ACOT9: variants seen among roughly 807,000 people sequenced by gnomAD.
The protein encoded by ACOT9 is acyl-coenzyme A thioesterase 9, mitochondrial.
A neutral mutation model predicts 39.7 loss-of-function variants in ACOT9; 34 were observed. That is an observed-to-expected ratio of 0.86 (90% CI 0.65 to 1.14). The LOEUF (loss-of-function observed/expected upper bound fraction) is 1.14. Among genes scored for constraint, ACOT9 ranks in the 50% most tolerant of loss-of-function variants. The probability of loss-of-function intolerance (pLI) is 0.00; values close to 1 mark genes in which losing one functional copy is unlikely to be tolerated. For synonymous variants in ACOT9, 110 were observed against 120.5 expected (o/e 0.91, Z 0.57); for missense variants, 313 against 344.1 (o/e 0.91, Z 0.71).
chrX:23,719,913 T>C (rs1266081016), intron 8 of ACOT9, among the ~76,000 whole-genome samples: 4 of 109,525 alleles, frequency 3.7e-5, no homozygotes, highest in Non-Finnish European at 7.6e-5. Flanking sequence ...CTCGGCTCAC[T>C]GCAAGCTCCG....
intron 9 of ACOT9, among the ~76,000 whole-genome samples, chrX:23,708,939 G>A (rs774587604): frequency 4.5e-5 from 5 of 111,844 alleles, no homozygotes; most frequent in South Asian, 3.7e-4. Flanking sequence ...AGAGAATTAC[G>A]CAAATGTAAT....
rs771711713 is a variant in ACOT9, at chrX:23,725,808, C to T, written c.401-3055G>A. On this transcript the variant is annotated intron_variant, in intron 6 of 15. Coordinates refer to ENST00000379303, the MANE Select transcript of ACOT9 (RefSeq NM_001037171.2). ...CTCCAGCCTGGGTGACAGAGTGAGA[C>T]CCTGTCTCAAAAACTAAATAAATAA... Among the ~76,000 whole-genome samples the T allele has an allele frequency of 3.4e-3, 368 of 108,981 alleles. 3 individuals are homozygous for T. The highest frequency in any genetic ancestry group is 0.011 in the African/African-American group (341 of 29,917). 94.6% of individuals were successfully genotyped at this position (108,981 alleles called of 115,157 possible). A position where few individuals can be genotyped will look rare whatever the true frequency, so the allele number is the denominator to read the frequency against.
chrX:23,740,886 G>A (rs1234498509), intron 1 of ACOT9, among the ~76,000 whole-genome samples: 2 of 109,780 alleles, frequency 1.8e-5, no homozygotes, highest in African/African-American at 6.6e-5. Flanking sequence ...AAACCTCTAG[G>A]CCTTTACTGT....
At position 23,730,797 on chromosome X, in the gene ACOT9, A is replaced by G; in HGVS notation, c.362+19T>C. The G allele has an allele frequency of 1.7e-6, 2 of 1,168,085 alleles. No individual in the cohort carries two copies. The highest frequency in any genetic ancestry group is 2.3e-6 in the Non-Finnish European group (2 of 872,681). Reference sequence around the variant, plus strand: ...AACAAGGAAATAAAAACAAATACATAAAAATAGCACTGTGTTACCTTACGG... The same window carrying G: ...AACAAGGAAATAAAAACAAATACATGAAAATAGCACTGTGTTACCTTACGG... On this transcript the variant is annotated intron_variant, in intron 5 of 15. Coordinates refer to ENST00000379303, the MANE Select transcript of ACOT9 (RefSeq NM_001037171.2).
chrX:23,730,404 T>C lies in ACOT9; in HGVS notation c.400+123A>G, dbSNP rs764110888. On this transcript the variant is annotated intron_variant, in intron 6 of 15. Transcript: ENST00000379303. The stretch of plus-strand genomic sequence containing the variant: ...CACCACGCCCGGCCGATGTCCTTCT[T>C]TTTTTGTGCACTTTAGAATATCATC... The C allele has an allele frequency of 1.3e-3, 737 of 584,575 alleles. 5 individuals are homozygous for C. In the African/African-American group the frequency reaches 0.015, roughly 12 times the overall value. The allele number at this position is 584,575 out of a possible 1,213,427, so 48.2% of individuals were successfully genotyped here.
Position 23,703,998 on chromosome X carries a change from G to A in ACOT9, c.1259-16C>T, listed in dbSNP as rs765152797. On this transcript the variant is annotated splice_polypyrimidine_tract_variant and intron_variant, in intron 15 of 15. Transcript: ENST00000379303. ...AACATGGACTCTGAAACACAAGAAA[G>A]AGAACCTTGGAGAAACTTGTAATAC... is the stretch of plus-strand genomic sequence containing the variant. 1 of 1,159,005 alleles carries A rather than the reference G, an allele frequency of 8.6e-7. No homozygotes were observed. The highest frequency in any genetic ancestry group is 2.2e-5 in the Admixed American group (1 of 45,179).
At position 23,743,241 on chromosome X, in the gene ACOT9, G is replaced by T; in HGVS notation, c.-97C>A. The T allele has an allele frequency of 9.6e-7, 1 of 1,043,668 alleles. No homozygotes were observed. The highest frequency in any genetic ancestry group is 3.0e-5 in the Admixed American group (1 of 32,997). 86.0% of individuals were successfully genotyped at this position (1,043,668 alleles called of 1,213,427 possible). ...ATAAAAGACGCACGAGTACCAGACC[G>T]CGCCCTTGCTGAGGACAGCCCGGGA... On this transcript the variant is annotated 5_prime_UTR_variant, in exon 1 of 16. Transcript: ENST00000379303.
At chrX:23,717,825 C>T (rs181281371) in intron 8 of ACOT9, among the ~76,000 whole-genome samples, 5 of 112,095 alleles carry the variant, frequency 4.5e-5, no homozygotes, top group African/African-American at 1.6e-4. Context: ...CGGCGGCCCA[C>T]GCCTATAATT....
rs56378612 is a variant in ACOT9, at chrX:23,705,594, C to G, written c.934G>C (p.Glu312Gln). The G allele has an allele frequency of 0.024, 28,632 of 1,204,149 alleles. 281 individuals are homozygous for G. The highest frequency in any genetic ancestry group is 0.07 in the Middle Eastern group (304 of 4,329). ...LKSLEICHPQ[E>Q]RNIFNRIFGG... The stretch of plus-strand genomic sequence containing the variant: ...AAGATCCGATTGAAAATGTTCCGCT[C>G]CTACAGGACATAAATAAATATCAAT... Residue 312 changes from glutamate (E) to glutamine (Q), a missense_variant and splice_region_variant, in exon 13 of 16, where the codon GAG becomes CAG. By Grantham distance (29) the Glu-to-Gln change is conservative. Transcript: ENST00000379303.
chrX:23,704,992 C>T lies in ACOT9; in HGVS notation c.1107+1G>A. On this transcript the variant is annotated splice_donor_variant, in intron 14 of 15. Transcript: ENST00000379303. LOFTEE classifies it high-confidence loss of function. ...TATGTCATCTCTCATCACACACCTA[C>T]CTGTGAAGAAAGAAAGAGCAATGAG... 1 of 1,208,470 alleles carries T rather than the reference C, an allele frequency of 8.3e-7. No individual in the cohort carries two copies. The highest frequency in any genetic ancestry group is 1.8e-5 in the South Asian group (1 of 56,439).
At chrX:23,717,223 CA>C (rs1348238915) in intron 8 of ACOT9, among the ~76,000 whole-genome samples, 1 of 110,391 alleles carries the variant, frequency 9.1e-6, no homozygotes, top group African/African-American at 3.3e-5. Flanking sequence ...CTCCTGAGCT[CA>C]GGAGATCCAC....
chrX:23,726,922 C>T (rs915532937), intron 6 of ACOT9, among the ~76,000 whole-genome samples: 4 of 112,002 alleles, frequency 3.6e-5, no homozygotes, highest in Non-Finnish European at 5.6e-5. Context: ...CAGGCTCAAG[C>T]GATTCTCGTG....
At chrX:23,731,247 G>A (rs188189751) in intron 4 of ACOT9, among the ~76,000 whole-genome samples, 12 of 111,863 alleles carry the variant, frequency 1.1e-4, no homozygotes, top group Non-Finnish European at 1.7e-4. Flanking sequence ...AGGCCAAGGC[G>A]GGTGGATCAC....
At chrX:23,719,948 T>C (rs1380814056) in intron 8 of ACOT9, among the ~76,000 whole-genome samples, 1 of 111,477 alleles carries the variant, frequency 9.0e-6, no homozygotes, top group Non-Finnish European at 1.9e-5. Context: ...GCCATTCTCC[T>C]GCCTCAGCCT....
chrX:23,709,903 T>C (rs760015442), intron 9 of ACOT9, among the ~76,000 whole-genome samples: 27 of 112,393 alleles, frequency 2.4e-4, no homozygotes, highest in Non-Finnish European at 4.1e-4. Context: ...AGGCTCTTTT[T>C]TTGAGGTAGG....
chrX:23,732,725 G>C (rs1459803157), intron 4 of ACOT9, among the ~76,000 whole-genome samples: 5 of 110,980 alleles, frequency 4.5e-5, no homozygotes, highest in African/African-American at 9.8e-5. Context: ...AAGACAATAT[G>C]GGAGGCCTGA....
intron 10 of ACOT9, 127 bp downstream of exon 10, chrX:23,707,743 AAACAAAC>A: frequency 4.3e-6 from 2 of 464,259 alleles, no homozygotes; most frequent in Non-Finnish European, 6.8e-6. Context: ...ATTTCAAAAA[AAACAAAC>A]AAAAAAACAA....
Position 23,713,547 on chromosome X carries a change from TA to T in ACOT9, c.589-340del, listed in dbSNP as rs1299622641. 3.7e-3 allele frequency among the ~76,000 whole-genome samples: 225 copies of T among 60,544 alleles called. 2 individuals are homozygous for T. In the East Asian group the frequency reaches 0.054, roughly 14 times the overall value. The allele number at this position is 60,544 out of a possible 115,157, so 52.6% of individuals were successfully genotyped here. A position where few individuals can be genotyped will look rare whatever the true frequency, so the allele number is the denominator to read the frequency against. Reference sequence around the variant, plus strand: ...TGAGCCGAGATTGCAGGCCCCTGTCTAAAAAAAAAAAAAGAAAAAAAAAAAA... The same window carrying T: ...TGAGCCGAGATTGCAGGCCCCTGTCTAAAAAAAAAAAAGAAAAAAAAAAAA... On this transcript the variant is annotated intron_variant, in intron 8 of 15. Transcript: ENST00000379303.
At chrX:23,742,213 T>TGA (rs1190609377) in intron 1 of ACOT9, among the ~76,000 whole-genome samples, 207 of 68,871 alleles carry the variant, frequency 3.0e-3, no homozygotes, top group Middle Eastern at 0.016. Context: ...AGTGAGTGAG[T>TGA]GAGAGAGAGA....
Sources: allele counts gnomAD v4.1 joint callset (sites outside exome capture counted in the v4.1 genomes callset), GRCh38; gene constraint gnomAD v4.1.1; transcripts MANE v1.5; gene names NCBI Gene and HGNC (gene_info 2026-07-23, HGNC 2026-07-21).